Variants in PGBD5 observed in about 807,000 individuals in gnomAD.
The protein encoded by PGBD5 is piggyBac transposable element-derived protein 5.
Under a neutral mutation model 47.9 loss-of-function variants are expected in PGBD5, and 14 were observed. The observed-to-expected ratio is 0.29, with a 90% CI of 0.19 to 0.46. PGBD5 has a LOEUF of 0.46. Ranked by LOEUF, PGBD5 falls within the 20% of genes least tolerant of loss-of-function variation. PGBD5 has a pLI of 1.00. For missense variants in PGBD5, 635 were observed against 716.0 expected (o/e 0.89, Z 1.29); for synonymous variants, 316 against 306.3 (o/e 1.03, Z -0.33).
At chr1:230,378,272 T>A (rs527309098) in intron 1 of PGBD5, among the ~76,000 whole-genome samples, 1 of 152,174 alleles carries the variant, frequency 6.6e-6, no homozygotes, top group Non-Finnish European at 1.5e-5. Flanking sequence ...ATCACTGCCA[T>A]TGCAGGGATT....
rs927271187 is a variant in PGBD5, at chr1:230,319,547, C to G, written c.*3878G>C. The G allele has an allele frequency of 7.2e-5, 11 of 152,350 alleles. No homozygotes were observed. The highest frequency in any genetic ancestry group is 1.9e-4 in the African/African-American group (8 of 41,552). 9.4% of individuals were successfully genotyped at this position (152,350 alleles called of 1,614,324 possible). On this transcript the variant is annotated 3_prime_UTR_variant, in exon 7 of 7. Transcript: ENST00000391860. ...CTCAGCCTGATGCTTGGTGACCCCC[C>G]CTCACTGTTGGGGGGGCTGAGCCTG... is the stretch of plus-strand genomic sequence containing the variant.
intron 1 of PGBD5, among the ~76,000 whole-genome samples, chr1:230,409,811 G>T (rs368304233): frequency 4.2e-4 from 64 of 151,582 alleles, no homozygotes; most frequent in African/African-American, 1.5e-3. Flanking sequence ...TAAAAAAATG[G>T]AAAGTGAAGA....
At chr1:230,334,910 C>T (rs951806768) in intron 4 of PGBD5, among the ~76,000 whole-genome samples, 8 of 152,172 alleles carry the variant, frequency 5.3e-5, no homozygotes, top group Non-Finnish European at 1.2e-4. Context: ...ATCCCCTCCT[C>T]AGAACCACAG....
chr1:230,362,569 G>A (rs1042434036), intron 1 of PGBD5, among the ~76,000 whole-genome samples: 2 of 152,102 alleles, frequency 1.3e-5, no homozygotes, highest in East Asian at 1.9e-4. Flanking sequence ...GCCCTGACTC[G>A]GTGCCTCTCC....
chr1:230,332,709 G>T, intron 5 of PGBD5, 135 bp downstream of exon 5: 1 of 1,018,720 alleles, frequency 9.8e-7, no homozygotes, highest in East Asian at 2.5e-5. Context: ...CCAGATGCTG[G>T]GGAATAACCG....
In PGBD5 at chr1:230,332,854, C is replaced by A. The variant is rs1372786140; in HGVS notation, c.1263G>T (p.Pro421=). Reference sequence around the variant, plus strand: ...CGGACCCGCACTCACCCTGCTGCACCGGGGAGTAGGCGTTGGTCAGGAAGC... The same window carrying A: ...CGGACCCGCACTCACCCTGCTGCACAGGGGAGTAGGCGTTGGTCAGGAAGC... ...HFRFLTNAYS[P]VQQGVIIKRK... The change falls in exon 5 of 7, where the codon CCG becomes CCT. Residue 421 remains proline, a synonymous_variant. Transcript: ENST00000391860. 2 of 1,614,048 alleles carry A rather than the reference C, an allele frequency of 1.2e-6. No homozygotes were observed. The highest frequency in any genetic ancestry group is 1.3e-5 in the African/African-American group (1 of 74,914).
At chr1:230,362,242 G>T (rs1667756696) in intron 1 of PGBD5, 1 of 1,359,366 alleles carries the variant, frequency 7.4e-7, no homozygotes, top group African/African-American at 1.5e-5. Context: ...AGACCTGGCT[G>T]GGATTTAGCT....
chr1:230,385,772 C>A (rs1260181544), intron 1 of PGBD5, among the ~76,000 whole-genome samples: 1 of 151,888 alleles, frequency 6.6e-6, no homozygotes, highest in South Asian at 2.1e-4. Context: ...CCTGATTTTG[C>A]CCCCATTTCA....
At chr1:230,324,639 T>G (rs1014804466) in intron 6 of PGBD5, among the ~76,000 whole-genome samples, 1 of 152,184 alleles carries the variant, frequency 6.6e-6, no homozygotes, top group African/African-American at 2.4e-5. Flanking sequence ...TTCTAAGTGG[T>G]AAGGCTCAAT....
intron 3 of PGBD5, among the ~76,000 whole-genome samples, chr1:230,350,750 C>A (rs1362223028): frequency 6.6e-6 from 1 of 152,194 alleles, no homozygotes; most frequent in African/African-American, 2.4e-5. Context: ...CCAGGGGTGG[C>A]AGCAGCCTCT....
At chr1:230,382,457 A>G (rs1656526817) in intron 1 of PGBD5, among the ~76,000 whole-genome samples, 1 of 152,214 alleles carries the variant, frequency 6.6e-6, no homozygotes. Context: ...AACAGGCCAC[A>G]CTGATGATGG....
intron 4 of PGBD5, 73 bp from the exon 5 acceptor site, chr1:230,333,114 C>T (rs987504419): frequency 1.4e-6 from 2 of 1,477,446 alleles, no homozygotes; most frequent in Admixed American, 2.0e-5. Flanking sequence ...GCCCTGGGCA[C>T]CCCCAAGGAA....
Position 230,323,415 on chromosome 1 carries a change from G to A in PGBD5, c.*10C>T, listed in dbSNP as rs935057662. On this transcript the variant is annotated 3_prime_UTR_variant, in exon 7 of 7. Coordinates refer to ENST00000391860, the MANE Select transcript of PGBD5 (RefSeq NM_001258311.2). This position sits in a 1 kb window ranked among gnomAD's most constrained non-coding sequence, Gnocchi z 4.1. ...TGCCCCTCCCTTGACCGAGTCCTGCGCCCCCAGCATCAGTGGGTCGGAGAG... is the reference window on the plus strand; with the variant it reads ...TGCCCCTCCCTTGACCGAGTCCTGCACCCCCAGCATCAGTGGGTCGGAGAG... 2.3e-5 allele frequency: 37 copies of A among 1,610,474 alleles called. No homozygotes were observed. Among genetic ancestry groups the A allele is most frequent in the Admixed American group, 5.0e-5 (3 of 59,664 alleles).
intron 1 of PGBD5, among the ~76,000 whole-genome samples, chr1:230,393,749 C>T (rs1272485622): frequency 8.9e-5 from 13 of 146,542 alleles, no homozygotes; most frequent in Admixed American, 2.2e-4. Context: ...GGCGTGAACC[C>T]GGGAAGCGGA....
intron 1 of PGBD5, among the ~76,000 whole-genome samples, chr1:230,391,538 T>C (rs969454202): frequency 2.0e-5 from 3 of 152,152 alleles, no homozygotes; most frequent in African/African-American, 7.2e-5. Flanking sequence ...AAAGCAAACG[T>C]CAAATCAGAC....
chr1:230,408,863 AC>A (rs751692695), intron 1 of PGBD5, among the ~76,000 whole-genome samples: 4 of 152,234 alleles, frequency 2.6e-5, no homozygotes, highest in Non-Finnish European at 4.4e-5. Flanking sequence ...ATGGGATGTC[AC>A]AAAATGTACA....
intron 1 of PGBD5, among the ~76,000 whole-genome samples, chr1:230,394,588 T>C (rs1282414942): frequency 1.8e-5 from 2 of 109,488 alleles, no homozygotes; most frequent in Admixed American, 9.9e-5. Flanking sequence ...CTCCTCTCCT[T>C]GTGCTCCTCT....
At position 230,325,396 on chromosome 1, in the gene PGBD5, C is replaced by T; in HGVS notation, c.1293G>A (p.Lys431=). The T allele has an allele frequency of 6.2e-7, 1 of 1,613,684 alleles. No individual in the cohort carries two copies. Among genetic ancestry groups the T allele is most frequent in the African/African-American group, 1.3e-5 (1 of 75,060 alleles). ...CCAAGGGGCATGGGATCTCCCCACTCTTCCTTTTGATGATGACTCCTGAAG... is the reference window on the plus strand; with the variant it reads ...CCAAGGGGCATGGGATCTCCCCACTTTTCCTTTTGATGATGACTCCTGAAG... ...PVQQGVIIKR[K]SGEIPCPLAV... Residue 431 remains lysine, a synonymous_variant, in exon 6 of 7, where the codon AAG becomes AAA. Transcript: ENST00000391860.
chr1:230,390,442 C>T (rs1656756075), intron 1 of PGBD5, among the ~76,000 whole-genome samples: 1 of 152,176 alleles, frequency 6.6e-6, no homozygotes, highest in African/African-American at 2.4e-5. Flanking sequence ...TGGGGTGCAT[C>T]CTCTCTGGCT....
Sources: gnomAD v4.1 joint callset for allele counts (sites outside exome capture counted in the v4.1 genomes callset) on GRCh38, gnomAD v4.1.1 for gene constraint, Gnocchi (gnomAD v3.1) non-coding constraint, MANE v1.5 for transcripts, NCBI Gene and HGNC (gene_info 2026-07-23, HGNC 2026-07-21) for gene names.